The following PRMT5 variants were observed in gnomAD, a reference collection of about 807,000 sequenced individuals.
The protein encoded by PRMT5 is protein arginine N-methyltransferase 5.
PRMT5 carries 15 observed loss-of-function variants against 84.0 expected under a neutral mutation model. The observed-to-expected ratio is 0.18, with a 90% CI of 0.12 to 0.28. The LOEUF (loss-of-function observed/expected upper bound fraction) is 0.28, where lower values mean the gene tolerates loss of function less well. Ranked by LOEUF, PRMT5 falls within the 10% of genes least tolerant of loss-of-function variation. PRMT5 has a pLI of 1.00. For synonymous variants in PRMT5, 276 were observed against 292.4 expected (o/e 0.94, Z 0.57); for missense variants, 486 against 808.0 (o/e 0.60, Z 4.83).
chr14:22,924,429 T>G lies in PRMT5; in HGVS notation c.1077-37A>C. 3 of 1,613,942 alleles carry G rather than the reference T, an allele frequency of 1.9e-6. No individual in the cohort carries two copies. Among genetic ancestry groups the G allele is most frequent in the Non-Finnish European group, 2.5e-6 (3 of 1,179,890 alleles). ...AGGGAAGAGTCAAGCAGACTTGGCA[T>G]ATACAGATATAGGTATGCAAGTCCC... On this transcript the variant is annotated intron_variant, in intron 10 of 16. Transcript: ENST00000324366. This position sits in a 1 kb window ranked among gnomAD's most constrained non-coding sequence, Gnocchi z 6.5.
chr14:22,921,323 G>T (rs2044291401), intron 16 of PRMT5, among the ~76,000 whole-genome samples: 1 of 152,272 alleles, frequency 6.6e-6, no homozygotes, highest in East Asian at 1.9e-4. Flanking sequence ...AATGTTTAAA[G>T]AAGACCTAGA....
intron 7 of PRMT5, among the ~76,000 whole-genome samples, chr14:22,925,675 C>T (rs930576800): frequency 3.8e-4 from 58 of 151,894 alleles, no homozygotes; most frequent in African/African-American, 4.1e-4. Flanking sequence ...AAAAATTAGC[C>T]GGGCAGTAGT....
chr14:22,923,265 C>T lies in PRMT5; in HGVS notation c.1376-105G>A, dbSNP rs748334366. On this transcript the variant is annotated intron_variant, in intron 12 of 16. Coordinates refer to ENST00000324366, the MANE Select transcript of PRMT5 (RefSeq NM_006109.5). This position sits in a 1 kb window ranked among gnomAD's most constrained non-coding sequence, Gnocchi z 5.2. ...AACCTCCCATGTCAAAACCAACCAACGTTGGCATGGGCATGGAAGAAAGAG... is the reference window on the plus strand; with the variant it reads ...AACCTCCCATGTCAAAACCAACCAATGTTGGCATGGGCATGGAAGAAAGAG... The T allele has an allele frequency of 1.3e-4, 101 of 783,240 alleles. No homozygotes were observed. In the Middle Eastern group the frequency reaches 4.7e-3, roughly 37 times the overall value. 48.5% of individuals were successfully genotyped at this position (783,240 alleles called of 1,614,324 possible). A position where few individuals can be genotyped will look rare whatever the true frequency, so the allele number is the denominator to read the frequency against.
In PRMT5 at chr14:22,928,463, C is replaced by T; in HGVS notation, c.229+34G>A. 6.6e-7 allele frequency: 1 copy of T among 1,524,406 alleles called. No homozygotes were observed. Among genetic ancestry groups the T allele is most frequent in the South Asian group, 1.1e-5 (1 of 89,218 alleles). The allele number at this position is 1,524,406 out of a possible 1,614,324, so 94.4% of individuals were successfully genotyped here. A position where few individuals can be genotyped will look rare whatever the true frequency, so the allele number is the denominator to read the frequency against. On this transcript the variant is annotated intron_variant, in intron 2 of 16. Transcript: ENST00000324366. The surrounding 1 kb of genome is among the most constrained non-coding windows in gnomAD (Gnocchi z 4.8). The stretch of plus-strand genomic sequence containing the variant: ...GATAAAGCAGAAGTTGTTATTGCCT[C>T]TAATAATTAAGGGGCATATGGGATG...
Position 22,928,880 on chromosome 14 carries a change from CAGTA to C in PRMT5, c.111-269_111-266del. 1 of 595,176 alleles carries C rather than the reference CAGTA, an allele frequency of 1.7e-6. No homozygotes were observed. 36.9% of individuals were successfully genotyped at this position (595,176 alleles called of 1,614,324 possible). A position where few individuals can be genotyped will look rare whatever the true frequency, so the allele number is the denominator to read the frequency against. On this transcript the variant is annotated intron_variant, in intron 1 of 16. Transcript: ENST00000324366. This position sits in a 1 kb window ranked among gnomAD's most constrained non-coding sequence, Gnocchi z 4.8. ...GTAGAATTTTTTTCTCCTCAGGTGTCAGTATGTTTCCAAGACCATCACATCCAGA... is the reference window on the plus strand; with the variant it reads ...GTAGAATTTTTTTCTCCTCAGGTGTCTGTTTCCAAGACCATCACATCCAGA...
rs1325871135 is a variant in PRMT5 at position 22,926,743 on chromosome 14, T to G, written c.522A>C (p.Thr174=). ...CCTCCCCACTGTACTCCTCTGTGTGTGTAGTTGGTGCATTCTCAATTATAT... is the reference window on the plus strand; with the variant it reads ...CCTCCCCACTGTACTCCTCTGTGTGGGTAGTTGGTGCATTCTCAATTATAT... ...RDDIIENAPT[T]HTEEYSGEEK... The change falls in exon 5 of 17, where the codon ACA becomes ACC. Residue 174 remains threonine (T), a synonymous_variant. Coordinates refer to ENST00000324366, the MANE Select transcript of PRMT5 (RefSeq NM_006109.5). 1.2e-6 allele frequency: 2 copies of G among 1,614,134 alleles called. No homozygotes were observed. Among genetic ancestry groups the G allele is most frequent in the Non-Finnish European group, 1.7e-6 (2 of 1,179,994 alleles).
intron 7 of PRMT5, 146 bp from the exon 8 acceptor site, chr14:22,925,186 C>T (rs2044392060): frequency 3.2e-6 from 3 of 927,270 alleles, no homozygotes; most frequent in Admixed American, 3.1e-5. Context: ...GATGGAGTCT[C>T]GCTCTATTGC....
Position 22,928,331 on chromosome 14 carries a change from A to G in PRMT5, c.230-120T>C. On this transcript the variant is annotated intron_variant, in intron 2 of 16. Transcript: ENST00000324366. This position sits in a 1 kb window ranked among gnomAD's most constrained non-coding sequence, Gnocchi z 4.8. ...AGACAAAGGTTTTTTCTACATAGACATGGGATAGCCTGATGCAGAATAGAG... is the reference window on the plus strand; with the variant it reads ...AGACAAAGGTTTTTTCTACATAGACGTGGGATAGCCTGATGCAGAATAGAG... 1 of 1,223,526 alleles carries G rather than the reference A, an allele frequency of 8.2e-7. No homozygotes were observed. 75.8% of individuals were successfully genotyped at this position (1,223,526 alleles called of 1,614,324 possible).
At chr14:22,926,961 CTT>C in intron 4 of PRMT5, 147 bp from the exon 5 acceptor site, 1 of 626,406 alleles carries the variant, frequency 1.6e-6, no homozygotes, top group South Asian at 1.9e-5. Flanking sequence ...GAACATGTAC[CTT>C]ATATATAGAT....
chr14:22,921,517 C>G (rs1361652269), intron 16 of PRMT5, among the ~76,000 whole-genome samples: 1 of 152,164 alleles, frequency 6.6e-6, no homozygotes, highest in Admixed American at 6.5e-5. Flanking sequence ...TCAAGTCTTA[C>G]AAGCAATGTC....
rs2044367804 is a variant in PRMT5, at chr14:22,924,281, AT to A, written c.1187del (p.Asn396MetfsTer4). 1 of 1,614,084 alleles carries A rather than the reference AT, an allele frequency of 6.2e-7. No individual in the cohort carries two copies. Among genetic ancestry groups the A allele is most frequent in the Non-Finnish European group, 8.5e-7 (1 of 1,179,998 alleles). ...IKLYAVEKNP[N>X]AVVTLENWQF... Reference sequence around the variant, plus strand: ...AGGTTGCTACTCACGTCACCACGGCATTTGGGTTTTTCTCCACAGCATACAG... The same window carrying A: ...AGGTTGCTACTCACGTCACCACGGCATTGGGTTTTTCTCCACAGCATACAG... On this transcript the variant is annotated frameshift_variant, in exon 11 of 17. Coordinates refer to ENST00000324366, the MANE Select transcript of PRMT5 (RefSeq NM_006109.5). LOFTEE classifies it high-confidence loss of function. This position sits in a 1 kb window ranked among gnomAD's most constrained non-coding sequence, Gnocchi z 6.5.
chr14:22,926,453 A>AG, intron 6 of PRMT5, 53 bp downstream of exon 6: 1 of 1,604,412 alleles, frequency 6.2e-7, no homozygotes, highest in Non-Finnish European at 8.5e-7. Flanking sequence ...CCTGATTCTT[A>AG]TTCACAGGAG....
At chr14:22,925,144 CAGTTCTCTTTTTTTTTTTTTTTAAAAAA>C in intron 7 of PRMT5, 104 bp from the exon 8 acceptor site, 1 of 1,167,504 alleles carries the variant, frequency 8.6e-7, no homozygotes, top group East Asian at 2.5e-5. Context: ...CCCAGATCAA[CAGTTCTCTTTTTTTTTTTTTTTAAAAAA>C]AAAGATGGAG....
intron 16 of PRMT5, among the ~76,000 whole-genome samples, chr14:22,921,751 C>T (rs1479071862): frequency 6.6e-6 from 1 of 151,912 alleles, no homozygotes; most frequent in Non-Finnish European, 1.5e-5. Flanking sequence ...GGTGTGGTGG[C>T]TGGCACCTGT....
chr14:22,924,278 G>A lies in PRMT5; in HGVS notation c.1191C>T (p.Ala397=), dbSNP rs554263684. 1.5e-5 allele frequency: 25 copies of A among 1,613,950 alleles called. No homozygotes were observed. Among genetic ancestry groups the A allele is most frequent in the African/African-American group, 8.0e-5 (6 of 74,896 alleles). ...AGCAGGTTGCTACTCACGTCACCAC[G>A]GCATTTGGGTTTTTCTCCACAGCAT... ...KLYAVEKNPN[A]VVTLENWQFE... The change falls in exon 11 of 17, where the codon GCC becomes GCT. Residue 397 remains alanine, a synonymous_variant. Coordinates refer to ENST00000324366, the MANE Select transcript of PRMT5 (RefSeq NM_006109.5). This position sits in a 1 kb window ranked among gnomAD's most constrained non-coding sequence, Gnocchi z 6.5.
Position 22,920,812 on chromosome 14 carries a change from G to A in PRMT5, c.*92C>T. On this transcript the variant is annotated 3_prime_UTR_variant, in exon 17 of 17. Transcript: ENST00000324366. ...AAATGCTCCTCTCTGATGGGCAAGG[G>A]GAATCACAGCCCATAGATGTACTGC... 2 of 1,530,496 alleles carry A rather than the reference G, an allele frequency of 1.3e-6. No homozygotes were observed. Among genetic ancestry groups the A allele is most frequent in the Admixed American group, 1.7e-5 (1 of 59,886 alleles). 94.8% of individuals were successfully genotyped at this position (1,530,496 alleles called of 1,614,324 possible).
chr14:22,926,660 CCTAT>C (rs768568582), intron 5 of PRMT5, 38 bp downstream of exon 5: 2 of 1,603,570 alleles, frequency 1.2e-6, no homozygotes, highest in Non-Finnish European at 8.5e-7. Flanking sequence ...TTCCCCTCAC[CCTAT>C]CCCTTGCACC....
In PRMT5 at chr14:22,928,958, C is replaced by G. The variant is rs1041016209; in HGVS notation, c.110+294G>C. 2.5e-5 allele frequency: 16 copies of G among 642,906 alleles called. No individual in the cohort carries two copies. The African/African-American group carries it at 2.6e-4, about 10-fold the overall frequency. The allele number at this position is 642,906 out of a possible 1,614,324, so 39.8% of individuals were successfully genotyped here. A position where few individuals can be genotyped will look rare whatever the true frequency, so the allele number is the denominator to read the frequency against. ...TCCCCCGTCAAAATTAGCCTCTTCT[C>G]TCCCTTGCCCCCTAACACCTCCTCC... is the stretch of plus-strand genomic sequence containing the variant. On this transcript the variant is annotated intron_variant, in intron 1 of 16. Transcript: ENST00000324366. The surrounding 1 kb of genome is among the most constrained non-coding windows in gnomAD (Gnocchi z 4.8).
Position 22,922,482 on chromosome 14 carries a change from C to T in PRMT5, c.1657G>A (p.Gly553Ser), listed in dbSNP as rs1594510675. 1 of 1,614,072 alleles carries T rather than the reference C, an allele frequency of 6.2e-7. No homozygotes were observed. The highest frequency in any genetic ancestry group is 8.5e-7 in the Non-Finnish European group (1 of 1,179,948). The change falls in exon 15 of 17, where the codon GGC (glycine) becomes AGC (serine). Residue 553 changes from glycine (G) to serine (S), a missense_variant. Physicochemically the swap from Gly to Ser is moderately conservative, Grantham distance 56. This residue lies in a region of PRMT5 where 219 missense variants were observed against 433.6 expected (regional missense o/e 0.51). Transcript: ENST00000324366. ...EVNTVLHGFA[G>S]YFETVLYQDI... ...TGATAAAGCACAGTCTCAAAGTAGC[C>T]GGCAAAGCCATGTAGTACTGTGTTC...
Sources: gnomAD v4.1 joint callset for allele counts (sites outside exome capture counted in the v4.1 genomes callset) on GRCh38, gnomAD v4.1.1 for gene constraint, gnomAD v4.1.1 regional missense constraint, Gnocchi (gnomAD v3.1) non-coding constraint, MANE v1.5 for transcripts, NCBI Gene and HGNC (gene_info 2026-07-23, HGNC 2026-07-21) for gene names.